COL15A1: variants seen among roughly 807,000 people sequenced by gnomAD.
COL15A1 encodes collagen type XV alpha 1 chain.
A neutral mutation model predicts 165.9 loss-of-function variants in COL15A1; 111 were observed. That is an observed-to-expected ratio of 0.67 (90% CI 0.57 to 0.78). The LOEUF is 0.78. Among genes scored for constraint, COL15A1 ranks in the 30% least tolerant of loss-of-function variants. The probability of loss-of-function intolerance (pLI) is 0.00; values close to 1 mark genes in which losing one functional copy is unlikely to be tolerated. For missense variants in COL15A1, 1,745 were observed against 1,789.7 expected (o/e 0.98, Z 0.45); for synonymous variants, 659 against 674.8 (o/e 0.98, Z 0.36).
At position 99,025,006 on chromosome 9, in the gene COL15A1, A is replaced by C. The variant is rs1376277104; in HGVS notation, c.1980+7A>C. 1.2e-6 allele frequency: 2 copies of C among 1,612,408 alleles called. No individual in the cohort carries two copies. The highest frequency in any genetic ancestry group is 3.3e-5 in the Admixed American group (2 of 59,792). On this transcript the variant is annotated splice_region_variant and intron_variant, in intron 15 of 41. Coordinates refer to ENST00000375001, the MANE Select transcript of COL15A1 (RefSeq NM_001855.5). ...TGGTGAACCTGGGCCCCCGGTGAGC[A>C]ACTGAAGTCTTCTCCCCATCTCTGT...
chr9:98,996,432 G>A (rs1588507299), intron 5 of COL15A1, among the ~76,000 whole-genome samples: 1 of 152,200 alleles, frequency 6.6e-6, no homozygotes, highest in Non-Finnish European at 1.5e-5. Flanking sequence ...GGTAATGTTG[G>A]TTAAGACACT....
chr9:99,009,938 G>T (rs1022332402), intron 9 of COL15A1, among the ~76,000 whole-genome samples: 1 of 152,136 alleles, frequency 6.6e-6, no homozygotes, highest in Non-Finnish European at 1.5e-5. Context: ...CCAATATGCT[G>T]GTCTTGCATC....
chr9:99,035,299 G>A (rs1839281453), intron 18 of COL15A1, 51 bp from the exon 19 acceptor site: 1 of 1,610,862 alleles, frequency 6.2e-7, no homozygotes, highest in African/African-American at 1.3e-5. Flanking sequence ...CCTGGCACAA[G>A]TAGGTGCCCA....
chr9:99,052,585 G>A (rs1839609394), intron 31 of COL15A1, 152 bp downstream of exon 31: 1 of 698,698 alleles, frequency 1.4e-6, no homozygotes, highest in East Asian at 2.6e-5. Context: ...CAAGGCTGTG[G>A]GGCTGTGCAC....
chr9:98,983,655 C>T (rs1179319254), intron 2 of COL15A1, among the ~76,000 whole-genome samples: 3 of 152,118 alleles, frequency 2.0e-5, no homozygotes, highest in African/African-American at 2.4e-5. Flanking sequence ...GTGCTGCAGG[C>T]GTGATTATCC....
intron 9 of COL15A1, among the ~76,000 whole-genome samples, chr9:99,009,705 AT>A (rs1434795384): frequency 6.6e-6 from 1 of 152,240 alleles, no homozygotes; most frequent in African/African-American, 2.4e-5. Context: ...AGGCAAAAAT[AT>A]TTATTCTTTG....
intron 2 of COL15A1, among the ~76,000 whole-genome samples, chr9:98,982,557 T>A (rs947653471): frequency 1.3e-5 from 2 of 151,998 alleles, no homozygotes; most frequent in African/African-American, 4.8e-5. Context: ...ACAGATAGAG[T>A]TGTGTCAGGT....
At chr9:98,950,359 T>TA (rs1482408183) in intron 2 of COL15A1, among the ~76,000 whole-genome samples, 1 of 152,234 alleles carries the variant, frequency 6.6e-6, no homozygotes, top group African/African-American at 2.4e-5. Context: ...TTTCAGTTTT[T>TA]AAAATTATAG....
chr9:99,054,745 AG>A (rs1291808005), intron 32 of COL15A1, 89 bp downstream of exon 32: 2 of 1,410,164 alleles, frequency 1.4e-6, no homozygotes, highest in East Asian at 2.5e-5. Flanking sequence ...CCAGAGGGTA[AG>A]ACTAATGACA....
chr9:99,042,175 A>T (rs2119073840), intron 24 of COL15A1, 68 bp downstream of exon 24: 1 of 1,087,228 alleles, frequency 9.2e-7, no homozygotes, highest in East Asian at 2.4e-5. Context: ...AGATTGGCTG[A>T]AAATAGCTAT....
intron 2 of COL15A1, among the ~76,000 whole-genome samples, chr9:98,964,892 C>T (rs1488152262): frequency 2.0e-5 from 3 of 152,128 alleles, no homozygotes; most frequent in African/African-American, 2.4e-5. Context: ...CCAATGTAGG[C>T]GAGATTTCAC....
intron 2 of COL15A1, among the ~76,000 whole-genome samples, chr9:98,976,402 A>T (rs1838143033): frequency 6.6e-6 from 1 of 152,216 alleles, no homozygotes; most frequent in African/African-American, 2.4e-5. Context: ...GAGGGGGACT[A>T]GCTGGCCCAA....
rs1413586681 is a variant in COL15A1, at chr9:99,049,745, T to G, written c.2849T>G (p.Ile950Ser). 1 of 1,614,218 alleles carries G rather than the reference T, an allele frequency of 6.2e-7. No individual in the cohort carries two copies. Among genetic ancestry groups the G allele is most frequent in the East Asian group, 2.2e-5 (1 of 44,888 alleles). ...CCCCCTGGGCCACCTGGAGCTGTGATTAACATCAAAGGAGTAAGTTGGCAC... is the reference window on the plus strand; with the variant it reads ...CCCCCTGGGCCACCTGGAGCTGTGAGTAACATCAAAGGAGTAAGTTGGCAC... ...PGPPGPPGAV[I>S]NIKGAIFPIP... The change falls in exon 29 of 42, where the codon ATT becomes AGT. Residue 950 changes from isoleucine (I) to serine (S), a missense_variant. Physicochemically the swap from Ile to Ser is moderately radical, Grantham distance 142 (BLOSUM62 -2). Coordinates refer to ENST00000375001, the MANE Select transcript of COL15A1 (RefSeq NM_001855.5).
intron 5 of COL15A1, among the ~76,000 whole-genome samples, chr9:98,992,041 G>A (rs138422303): frequency 0.04 from 6,131 of 152,380 alleles, 144 homozygotes; most frequent in African/African-American, 0.055. Flanking sequence ...CAACTCAGGA[G>A]TCCAGCTGGC....
At chr9:98,964,251 T>C (rs1837917931) in intron 2 of COL15A1, among the ~76,000 whole-genome samples, 1 of 140,890 alleles carries the variant, frequency 7.1e-6, no homozygotes, top group South Asian at 2.6e-4. Flanking sequence ...TCCACTGGGT[T>C]TTCATCTTGG....
intron 19 of COL15A1, 119 bp downstream of exon 19, chr9:99,035,537 A>C: frequency 2.4e-6 from 3 of 1,229,600 alleles, no homozygotes; most frequent in Non-Finnish European, 2.3e-6. Context: ...CTGTGCCTCC[A>C]GCCCCCAACT....
chr9:98,990,939 T>A lies in COL15A1; in HGVS notation c.804+1681T>A, dbSNP rs1838411427. ...TTCTGATATTTGGATGTGTTCAGAG[T>A]TTCTTCCTTCTGGTGGGTTCCTGGT... On this transcript the variant is annotated intron_variant, in intron 5 of 41. Transcript: ENST00000375001. 2.0e-5 allele frequency among the ~76,000 whole-genome samples: 3 copies of A among 152,148 alleles called. No individual in the cohort carries two copies. In the South Asian group the frequency reaches 6.3e-4, roughly 32 times the overall value.
intron 2 of COL15A1, among the ~76,000 whole-genome samples, chr9:98,971,508 T>C (rs1838052328): frequency 6.6e-6 from 1 of 151,242 alleles, no homozygotes; most frequent in Admixed American, 6.6e-5. Context: ...CAGATGCCCA[T>C]GGGTGCTCAC....
rs111882192 is a variant in COL15A1, at chr9:98,954,019, T to A, written c.100+9769T>A. On this transcript the variant is annotated intron_variant, in intron 2 of 41. Coordinates refer to ENST00000375001, the MANE Select transcript of COL15A1 (RefSeq NM_001855.5). ...GGATGGCTGAAGAGCCGCATTAGAC[T>A]CAGTGCCCATCCTGGAGGGACTCAT... 1.9e-3 allele frequency among the ~76,000 whole-genome samples: 296 copies of A among 152,256 alleles called. 1 individual carries two copies. The highest frequency in any genetic ancestry group is 6.9e-3 in the African/African-American group (287 of 41,522).
Sources: gnomAD v4.1 joint callset for allele counts (sites outside exome capture counted in the v4.1 genomes callset) on GRCh38, gnomAD v4.1.1 for gene constraint, MANE v1.5 for transcripts, NCBI Gene and HGNC (gene_info 2026-07-23, HGNC 2026-07-21) for gene names.